The following DGKG variants were observed in gnomAD, a reference collection of about 807,000 sequenced individuals.
DGKG encodes diacylglycerol kinase gamma, also known as DAG kinase gamma.
DGKG carries 78 observed loss-of-function variants against 105.3 expected under a neutral mutation model. The ratio of observed to expected loss-of-function variants is 0.74; its 90% CI spans 0.62 to 0.89. The LOEUF (loss-of-function observed/expected upper bound fraction) is 0.89, where lower values mean the gene tolerates loss of function less well. DGKG is among the 40% of genes least tolerant of loss of function. The pLI is 0.00. For missense variants in DGKG, 958 were observed against 1,020.1 expected (o/e 0.94, Z 0.83); for synonymous variants, 346 against 367.1 (o/e 0.94, Z 0.66).
intron 2 of DGKG, among the ~76,000 whole-genome samples, chr3:186,319,591 A>T (rs1724985670): frequency 6.6e-6 from 1 of 152,204 alleles, no homozygotes; most frequent in Non-Finnish European, 1.5e-5. Context: ...GCTCTACAAG[A>T]TGAAGGGCCT....
chr3:186,320,417 C>A lies in DGKG; in HGVS notation c.43G>T (p.Asp15Tyr). The A allele has an allele frequency of 6.2e-7, 1 of 1,614,174 alleles. No homozygotes were observed. Among genetic ancestry groups the A allele is most frequent in the East Asian group, 2.2e-5 (1 of 44,888 alleles). The change falls in exon 2 of 25, where the codon GAC becomes TAC. Residue 15 changes from aspartate (D) to tyrosine (Y), a missense_variant. Asp to Tyr is a radical substitution (Grantham distance 160). Coordinates refer to ENST00000265022, the MANE Select transcript of DGKG (RefSeq NM_001346.3). The stretch of plus-strand genomic sequence containing the variant: ...CATTCTGAATATTTCTGGAGTTGGT[C>A]AAATTCTTCTGGAGTGAGGGAGACC... ...RWVSLTPEEF[D>Y]QLQKYSEYSS...
chr3:186,168,850 A>AAAAC (rs1438000855), intron 22 of DGKG, among the ~76,000 whole-genome samples: 1 of 152,110 alleles, frequency 6.6e-6, no homozygotes, highest in Admixed American at 6.5e-5. Flanking sequence ...ACTCTGTCTT[A>AAAAC]AAACAAACAA....
chr3:186,353,656 G>GTCTATGTCTATATCTATA lies in DGKG; in HGVS notation c.-249+8289_-249+8290insTATAGATATAGACATAGA, dbSNP rs373192000. 9.0e-3 allele frequency among the ~76,000 whole-genome samples: 1,047 copies of GTCTATGTCTATATCTATA among 116,134 alleles called. 7 individuals are homozygous for GTCTATGTCTATATCTATA. The highest frequency in any genetic ancestry group is 0.015 in the Non-Finnish European group (846 of 57,306). The allele number at this position is 116,134 out of a possible 152,430, so 76.2% of individuals were successfully genotyped here. Reference sequence around the variant, plus strand: ...TATCTATATCTATATCTATGTCTATGTCTATATCTATATCTATATCTATAT... The same window carrying GTCTATGTCTATATCTATA: ...TATCTATATCTATATCTATGTCTATGTCTATGTCTATATCTATATCTATATCTATATCTATATCTATAT... On this transcript the variant is annotated intron_variant, in intron 1 of 24. Transcript: ENST00000265022.
chr3:186,261,565 T>A, intron 15 of DGKG, 134 bp downstream of exon 15: 2 of 705,522 alleles, frequency 2.8e-6, no homozygotes, highest in Non-Finnish European at 5.2e-6. Flanking sequence ...TTGGGCCAGG[T>A]CATAAAGTGG....
At chr3:186,230,436 G>A (rs139460130) in intron 20 of DGKG, among the ~76,000 whole-genome samples, 3 of 152,308 alleles carry the variant, frequency 2.0e-5, no homozygotes, top group Non-Finnish European at 4.4e-5. Context: ...TCTAGGTTGA[G>A]GGATTGAGGG....
At chr3:186,252,298 G>A (rs1721264959) in intron 18 of DGKG, among the ~76,000 whole-genome samples, 1 of 152,238 alleles carries the variant, frequency 6.6e-6, no homozygotes, top group African/African-American at 2.4e-5. Context: ...ATGGCCGCTA[G>A]GCCTAGGTCC....
At chr3:186,201,395 G>T (rs1480203949) in intron 21 of DGKG, among the ~76,000 whole-genome samples, 1 of 151,994 alleles carries the variant, frequency 6.6e-6, no homozygotes, top group African/African-American at 2.4e-5. Flanking sequence ...TGCCCTGCAG[G>T]GTGACTTCCA....
intron 24 of DGKG, chr3:186,158,362 AT>A (rs1430067802): frequency 1.0e-6 from 1 of 978,784 alleles, no homozygotes; most frequent in Non-Finnish European, 1.2e-6. Context: ...GAGCCTTCTT[AT>A]TTTTGTAATT....
chr3:186,357,717 A>G (rs1361490484), intron 1 of DGKG, among the ~76,000 whole-genome samples: 1 of 152,150 alleles, frequency 6.6e-6, no homozygotes, highest in Non-Finnish European at 1.5e-5. Context: ...TCTCTCCCTC[A>G]TCTCTTCGGG....
At position 186,298,144 on chromosome 3, in the gene DGKG, A is replaced by G; in HGVS notation, c.230T>C (p.Leu77Pro). Residue 77 changes from leucine (L) to proline (P), a missense_variant, in exon 4 of 25, where the codon CTG becomes CCG. By Grantham distance (98) the Leu-to-Pro change is moderately conservative. Transcript: ENST00000265022. ...GTGTCTGGGCTTCTGGCTGAAGGCC[A>G]GGAAGAGGTGAGTGCTCAGTGGCTG... The part of the protein sequence containing the change: ...LPQPLSTHLF[L>P]AFSQKPRHET... 3 of 1,614,160 alleles carry G rather than the reference A, an allele frequency of 1.9e-6. No homozygotes were observed. Among genetic ancestry groups the G allele is most frequent in the Non-Finnish European group, 2.5e-6 (3 of 1,180,016 alleles).
At chr3:186,221,369 C>T (rs950347618) in intron 20 of DGKG, among the ~76,000 whole-genome samples, 13 of 152,202 alleles carry the variant, frequency 8.5e-5, no homozygotes, top group Admixed American at 5.9e-4. Context: ...AGAAAAAACC[C>T]TCACAGTTTG....
chr3:186,244,407 GTTT>G (rs10701431), intron 19 of DGKG, among the ~76,000 whole-genome samples: 1 of 138,300 alleles, frequency 7.2e-6, no homozygotes, highest in Non-Finnish European at 1.6e-5. Context: ...AGCTATTGAT[GTTT>G]TTTTTTTTTT....
At chr3:186,295,303 T>C (rs139307879) in intron 5 of DGKG, among the ~76,000 whole-genome samples, 6,823 of 151,946 alleles carry the variant, frequency 0.045, 502 homozygotes, top group African/African-American at 0.15. Flanking sequence ...GAGATCGAGA[T>C]CATCCTGGCC....
chr3:186,147,871 G>T lies in DGKG; in HGVS notation c.*2219C>A. ...AGTACCTGTAGTAATTCTGGAGCTT[G>T]TTGGTCCCATCACCAAGAATACCAT... is the stretch of plus-strand genomic sequence containing the variant. On this transcript the variant is annotated 3_prime_UTR_variant, in exon 25 of 25. Coordinates refer to ENST00000265022, the MANE Select transcript of DGKG (RefSeq NM_001346.3). 1 of 985,418 alleles carries T rather than the reference G, an allele frequency of 1.0e-6. No homozygotes were observed. The highest frequency in any genetic ancestry group is 4.7e-5 in the South Asian group (1 of 21,284). 61.0% of individuals were successfully genotyped at this position (985,418 alleles called of 1,614,324 possible). A position where few individuals can be genotyped will look rare whatever the true frequency, so the allele number is the denominator to read the frequency against.
intron 21 of DGKG, among the ~76,000 whole-genome samples, chr3:186,201,717 A>G (rs1718475088): frequency 1.3e-5 from 2 of 152,240 alleles, no homozygotes; most frequent in African/African-American, 2.4e-5. Flanking sequence ...GAGGCTGGCC[A>G]AGTGATCATT....
chr3:186,306,743 T>C (rs1462618593), intron 3 of DGKG, 158 bp downstream of exon 3: 2 of 610,386 alleles, frequency 3.3e-6, no homozygotes, highest in Admixed American at 3.0e-5. Flanking sequence ...GGGAAACATA[T>C]AATGCCAGGT....
intron 24 of DGKG, chr3:186,159,608 G>A (rs1716192232): frequency 6.6e-6 from 1 of 152,158 alleles, no homozygotes; most frequent in African/African-American, 2.4e-5. Flanking sequence ...GGCTGTGATA[G>A]TCCATTCTTA....
chr3:186,333,571 A>T (rs775846561), intron 1 of DGKG, among the ~76,000 whole-genome samples: 1 of 152,214 alleles, frequency 6.6e-6, no homozygotes, highest in African/African-American at 2.4e-5. Flanking sequence ...TGTGTTTTTC[A>T]TACTCCTTCT....
intron 1 of DGKG, among the ~76,000 whole-genome samples, chr3:186,355,110 C>G (rs1204601417): frequency 7.4e-6 from 1 of 134,334 alleles, no homozygotes; most frequent in Non-Finnish European, 1.6e-5. Context: ...AAGGAAGCCA[C>G]TACTATCTCC....
Sources: allele counts gnomAD v4.1 joint callset (sites outside exome capture counted in the v4.1 genomes callset), GRCh38; gene constraint gnomAD v4.1.1; transcripts MANE v1.5; gene names NCBI Gene and HGNC (gene_info 2026-07-23, HGNC 2026-07-21).